The following SIM1 variants were observed in gnomAD, a reference collection of about 807,000 sequenced individuals.
SIM1 encodes the protein SIM bHLH transcription factor 1, also known as single-minded homolog 1.
Under a neutral mutation model 78.2 loss-of-function variants are expected in SIM1, and 18 were observed. That is an observed-to-expected ratio of 0.23 (90% CI 0.16 to 0.34). The LOEUF is 0.34. Ranked by LOEUF, SIM1 falls within the 10% of genes least tolerant of loss-of-function variation. The pLI, the probability that SIM1 is intolerant of heterozygous loss-of-function variation, is 1.00. For synonymous variants in SIM1, 417 were observed against 385.2 expected (o/e 1.08, Z -0.97); for missense variants, 939 against 975.1 (o/e 0.96, Z 0.49).
At chr6:100,412,683 A>AAAAGAAAG (rs373803181) in intron 10 of SIM1, among the ~76,000 whole-genome samples, 2,457 of 76,952 alleles carry the variant, frequency 0.032, 95 homozygotes, top group Middle Eastern at 0.048. Context: ...GAAAGAAAGA[A>AAAAGAAAG]AAAGAAAGAA....
chr6:100,405,211 C>A (rs1294953830), intron 10 of SIM1, among the ~76,000 whole-genome samples: 3 of 151,682 alleles, frequency 2.0e-5, no homozygotes, highest in Non-Finnish European at 4.4e-5. Flanking sequence ...ACATACAGTT[C>A]CTAAAGAATT....
chr6:100,442,334 C>T (rs1019122460), intron 9 of SIM1, among the ~76,000 whole-genome samples: 7 of 152,272 alleles, frequency 4.6e-5, no homozygotes, highest in African/African-American at 1.7e-4. Flanking sequence ...TCTCCCAGCT[C>T]TTCCTTTTAA....
chr6:100,436,031 A>G, intron 9 of SIM1, among the ~76,000 whole-genome samples: 1 of 151,752 alleles, frequency 6.6e-6, no homozygotes, highest in Non-Finnish European at 1.5e-5. Context: ...CACCCCTCCC[A>G]AGGTGCCCAA....
In SIM1 at chr6:100,391,085, C is replaced by T. The variant is rs1281818378; in HGVS notation, c.1577G>A (p.Gly526Asp). Residue 526 changes from glycine (G) to aspartate (D), a missense_variant, in exon 12 of 12, where the codon GGT (glycine) becomes GAT (aspartate). Gly to Asp is a moderately conservative substitution (Grantham distance 94, BLOSUM62 -1). Coordinates refer to ENST00000369208, the MANE Select transcript of SIM1 (RefSeq NM_005068.3). ...IASVHRIHGRGHWDEDSVVSS... is the reference protein window; with the variant it reads ...IASVHRIHGRDHWDEDSVVSS... ...GACCACACTATCTTCATCCCAATGA[C>T]CTCGCCCTAAAAATTAGAAAAAGTC... 2 of 1,570,552 alleles carry T rather than the reference C, an allele frequency of 1.3e-6. No individual in the cohort carries two copies. Among genetic ancestry groups the T allele is most frequent in the Non-Finnish European group, 1.7e-6 (2 of 1,162,122 alleles).
At chr6:100,417,017 A>T (rs1164045123) in intron 10 of SIM1, among the ~76,000 whole-genome samples, 1 of 151,858 alleles carries the variant, frequency 6.6e-6, no homozygotes, top group East Asian at 1.9e-4. Flanking sequence ...TTGGCCTAGC[A>T]TATAGTTGGT....
chr6:100,420,641 GCAGATAGTTTAGAGAACCTTC>G, intron 10 of SIM1, 128 bp downstream of exon 10: 1 of 726,664 alleles, frequency 1.4e-6, no homozygotes, highest in South Asian at 1.9e-5. Context: ...TTAAAAGGAG[GCAGATAGTTTAGAGAACCTTC>G]CAGATTTATA....
chr6:100,447,692 C>A (rs1212585995), intron 8 of SIM1, among the ~76,000 whole-genome samples: 1 of 152,214 alleles, frequency 6.6e-6, no homozygotes, highest in Admixed American at 6.5e-5. Context: ...GAGGTTTCCT[C>A]CAGATTCGCT....
At chr6:100,428,805 T>C (rs545833612) in intron 9 of SIM1, among the ~76,000 whole-genome samples, 127 of 152,286 alleles carry the variant, frequency 8.3e-4, no homozygotes, top group African/African-American at 3.0e-3. Context: ...TAATAAAGTT[T>C]AATTTTAAAA....
At position 100,390,527 on chromosome 6, in the gene SIM1, G is replaced by A. The variant is rs745821604; in HGVS notation, c.2135C>T (p.Thr712Ile). 1.2e-4 allele frequency: 199 copies of A among 1,614,080 alleles called. No individual in the cohort carries two copies. The highest frequency in any genetic ancestry group is 1.6e-4 in the Non-Finnish European group (187 of 1,180,036). The change falls in exon 12 of 12, where the codon ACA becomes ATA. Residue 712 changes from threonine to isoleucine, a missense_variant. Physicochemically the swap from Thr to Ile is moderately conservative, Grantham distance 89 (BLOSUM62 -1). This residue lies in a region of SIM1 where 556 missense variants were observed against 521.9 expected (regional missense o/e 1.07). Transcript: ENST00000369208. ...GTGCTCCAGGGCATATCCAGTTAAT[G>A]TGTAAGCATGCTTGTCAAAATACTG... Reference protein sequence around the residue: ...HRQYFDKHAYTLTGYALEHLY... With the variant: ...HRQYFDKHAYILTGYALEHLY...
intron 9 of SIM1, among the ~76,000 whole-genome samples, chr6:100,442,805 A>G (rs1011795727): frequency 1.3e-5 from 2 of 152,110 alleles, no homozygotes; most frequent in African/African-American, 4.8e-5. Flanking sequence ...AGTAATTTTT[A>G]AAAATTTGAA....
intron 11 of SIM1, 144 bp downstream of exon 11, chr6:100,393,343 A>G: frequency 1.5e-6 from 1 of 676,008 alleles, no homozygotes; most frequent in Non-Finnish European, 2.2e-6. Context: ...TTAATAACTG[A>G]GTGAACTTTG....
At chr6:100,459,913 A>G (rs1562065354) in intron 2 of SIM1, among the ~76,000 whole-genome samples, 2 of 152,158 alleles carry the variant, frequency 1.3e-5, no homozygotes, top group Non-Finnish European at 2.9e-5. Context: ...AAGTCATGCT[A>G]TTTTTTAGAT....
chr6:100,455,906 C>G (rs1298828148), intron 2 of SIM1, among the ~76,000 whole-genome samples: 1 of 152,172 alleles, frequency 6.6e-6, no homozygotes, highest in East Asian at 1.9e-4. Flanking sequence ...TCTGAACTCC[C>G]GGCGCCAGCC....
Position 100,448,681 on chromosome 6 carries a change from G to T in SIM1, c.544-3C>A. ...AAGTAGCCGCTGCAGTGGATGACCT[G>T]AGGCAGAGGGATAGGGAGGGAGACT... is the stretch of plus-strand genomic sequence containing the variant. On this transcript the variant is annotated splice_region_variant and splice_polypyrimidine_tract_variant and intron_variant, in intron 6 of 11. Transcript: ENST00000369208. 1 of 1,608,316 alleles carries T rather than the reference G, an allele frequency of 6.2e-7. No homozygotes were observed.
At chr6:100,442,463 A>C (rs967457528) in intron 9 of SIM1, among the ~76,000 whole-genome samples, 1 of 152,172 alleles carries the variant, frequency 6.6e-6, no homozygotes, top group Non-Finnish European at 1.5e-5. Context: ...TCTGATGTTC[A>C]ATATTATCTT....
intron 1 of SIM1, 141 bp from the exon 2 acceptor site, chr6:100,464,076 G>A (rs1200437967): frequency 6.6e-6 from 1 of 152,184 alleles, no homozygotes; most frequent in Non-Finnish European, 1.5e-5. Context: ...AAAGAAACGG[G>A]TAAATCGGCA....
intron 9 of SIM1, among the ~76,000 whole-genome samples, chr6:100,443,866 TATTAAC>T (rs1344563065): frequency 6.6e-6 from 1 of 152,108 alleles, no homozygotes; most frequent in Non-Finnish European, 1.5e-5. Context: ...TATAGGAAAA[TATTAAC>T]AGTTGTTGGA....
At chr6:100,419,925 G>A (rs1466603652) in intron 10 of SIM1, among the ~76,000 whole-genome samples, 1 of 152,176 alleles carries the variant, frequency 6.6e-6, no homozygotes, top group Admixed American at 6.5e-5. Context: ...ACAGGCACAA[G>A]TCACCGTGCC....
At chr6:100,410,934 C>A (rs996781596) in intron 10 of SIM1, among the ~76,000 whole-genome samples, 1 of 152,120 alleles carries the variant, frequency 6.6e-6, no homozygotes, top group Admixed American at 6.5e-5. Flanking sequence ...CCTCACAAGG[C>A]CTTTTATGTC....
Sources: allele counts gnomAD v4.1 joint callset (sites outside exome capture counted in the v4.1 genomes callset), GRCh38; gene constraint gnomAD v4.1.1; regional missense constraint gnomAD v4.1.1; transcripts MANE v1.5; gene names NCBI Gene and HGNC (gene_info 2026-07-23, HGNC 2026-07-21).